Variants in XRCC5 observed in about 807,000 individuals in gnomAD.
XRCC5 encodes X-ray repair cross complementing 5, also known as DNA repair protein Ku80.
In XRCC5, 12 loss-of-function variants were observed where a neutral mutation model predicts 95.7. The observed-to-expected ratio is 0.13, with a 90% CI of 0.08 to 0.20. The LOEUF (loss-of-function observed/expected upper bound fraction) is 0.20, where lower values mean the gene tolerates loss of function less well. Ranked by LOEUF, XRCC5 falls within the 10% of genes least tolerant of loss-of-function variation. XRCC5 has a pLI of 1.00. For synonymous variants in XRCC5, 281 were observed against 290.3 expected, an observed-to-expected ratio of 0.97 and a Z score of 0.33; for missense variants, 595 against 873.9, an observed-to-expected ratio of 0.68 and a Z score of 4.02.
In XRCC5 at chr2:216,116,799, G is replaced by A. The variant is rs758611535; in HGVS notation, c.276G>A (p.Glu92=). The A allele has an allele frequency of 1.9e-6, 3 of 1,614,154 alleles. No homozygotes were observed. In the South Asian group the frequency reaches 3.3e-5, roughly 18 times the overall value. Residue 92 remains glutamate (E), a synonymous_variant, in exon 3 of 21, where the codon GAG becomes GAA. Transcript: ENST00000392132. ...HLMLPDFDLL[E]DIESKIQPGS... is the part of the protein sequence containing the mutation. ...TGCTACCAGATTTTGATTTGCTGGA[G>A]GACATTGAAAGCAAAATCCAACCAG...
At chr2:216,149,835 G>T (rs1015069545) in intron 14 of XRCC5, among the ~76,000 whole-genome samples, 3 of 152,190 alleles carry the variant, frequency 2.0e-5, no homozygotes, top group Admixed American at 2.0e-4. Context: ...GGTGTGCTGA[G>T]CTTCTTGTTC....
intron 19 of XRCC5, among the ~76,000 whole-genome samples, chr2:216,202,609 T>A (rs1466497792): frequency 1.3e-5 from 2 of 152,184 alleles, no homozygotes; most frequent in Non-Finnish European, 2.9e-5. Flanking sequence ...CTCTCTCTTA[T>A]ACCATTGATT....
intron 12 of XRCC5, among the ~76,000 whole-genome samples, chr2:216,140,168 A>T (rs1466429624): frequency 2.6e-5 from 4 of 152,266 alleles, no homozygotes; most frequent in African/African-American, 9.6e-5. Flanking sequence ...TTTCACCATG[A>T]AAAGTCCATA....
chr2:216,177,125 C>G (rs756575290), intron 16 of XRCC5, among the ~76,000 whole-genome samples: 2 of 152,218 alleles, frequency 1.3e-5, no homozygotes, highest in African/African-American at 2.4e-5. Flanking sequence ...ATAGTCTGTT[C>G]TGCCAGTTGT....
intron 13 of XRCC5, among the ~76,000 whole-genome samples, chr2:216,147,132 T>C (rs892374042): frequency 6.6e-6 from 1 of 152,064 alleles, no homozygotes; most frequent in Non-Finnish European, 1.5e-5. Flanking sequence ...AGGGAAGGCC[T>C]CTCTGCGGAG....
intron 16 of XRCC5, among the ~76,000 whole-genome samples, chr2:216,181,117 G>A (rs1380769836): frequency 6.6e-6 from 1 of 152,036 alleles, no homozygotes; most frequent in Non-Finnish European, 1.5e-5. Context: ...CCGGCCTTGA[G>A]TTTCTTCATT....
rs1304590965 is a variant in XRCC5 at position 216,156,453 on chromosome 2, A to G, written c.1671-3615A>G. ...GTAGCTTTTGTAGTCTCTATCGTAC[A>G]GCACTGGTCAGATCTACATAAGCCT... On this transcript the variant is annotated intron_variant, in intron 14 of 20. Transcript: ENST00000392132. The G allele has an allele frequency of 9.9e-6, 7 of 705,128 alleles. No individual in the cohort carries two copies. The East Asian group carries it at 2.3e-4, about 23-fold the overall frequency. The allele number at this position is 705,128 out of a possible 1,614,324, so 43.7% of individuals were successfully genotyped here.
chr2:216,174,151 T>TTTG (rs1689225494), intron 16 of XRCC5, among the ~76,000 whole-genome samples: 1 of 152,104 alleles, frequency 6.6e-6, no homozygotes, highest in Non-Finnish European at 1.5e-5. Flanking sequence ...TGTGGGGAGC[T>TTTG]TTTGTTTTGT....
intron 14 of XRCC5, chr2:216,156,360 T>C (rs1688842530): frequency 1.3e-5 from 9 of 706,802 alleles, no homozygotes; most frequent in South Asian, 1.1e-4. Flanking sequence ...CTTCTGCTGT[T>C]GTGGGGTCTT....
intron 16 of XRCC5, among the ~76,000 whole-genome samples, chr2:216,185,821 C>T (rs1689483240): frequency 6.6e-6 from 1 of 151,966 alleles, no homozygotes; most frequent in African/African-American, 2.4e-5. Flanking sequence ...GACAGGGTTT[C>T]ACAATGTTGG....
chr2:216,122,846 C>G (rs528709849), intron 6 of XRCC5, among the ~76,000 whole-genome samples: 15 of 151,986 alleles, frequency 9.9e-5, no homozygotes, highest in Admixed American at 9.8e-4. Context: ...AAGTGAATTC[C>G]TTGAAGTACC....
intron 8 of XRCC5, among the ~76,000 whole-genome samples, chr2:216,129,509 C>A (rs1370340823): frequency 1.3e-5 from 2 of 152,158 alleles, no homozygotes; most frequent in African/African-American, 2.4e-5. Flanking sequence ...TTACAAGTTA[C>A]ACAATTCACA....
intron 13 of XRCC5, among the ~76,000 whole-genome samples, chr2:216,143,712 T>A (rs1327846369): frequency 1.3e-5 from 2 of 151,950 alleles, no homozygotes; most frequent in Non-Finnish European, 2.9e-5. Flanking sequence ...TTTTTTTTTT[T>A]TTATTTTTAT....
chr2:216,151,010 A>G (rs1688735290), intron 14 of XRCC5, among the ~76,000 whole-genome samples: 2 of 152,240 alleles, frequency 1.3e-5, no homozygotes, highest in Non-Finnish European at 2.9e-5. Flanking sequence ...CCACCATTGT[A>G]TATGTGGCTC....
rs758639724 is a variant in XRCC5, at chr2:216,109,430, C to T, written c.-7C>T. ...AGAAGCGACCAAAGCGCCTGAGGAC[C>T]GGCAACATGGTGCGGTCGGGGAATA... On this transcript the variant is annotated 5_prime_UTR_variant, in exon 1 of 21. Coordinates refer to ENST00000392132, the MANE Select transcript of XRCC5 (RefSeq NM_021141.4). 5.6e-6 allele frequency: 9 copies of T among 1,613,978 alleles called. No individual in the cohort carries two copies. Among genetic ancestry groups the T allele is most frequent in the Non-Finnish European group, 7.6e-6 (9 of 1,179,930 alleles).
At chr2:216,194,863 A>T (rs922746134) in intron 18 of XRCC5, 56 bp from the exon 19 acceptor site, 6 of 1,563,004 alleles carry the variant, frequency 3.8e-6, no homozygotes, top group Non-Finnish European at 5.3e-6. Flanking sequence ...GGAAACGAAA[A>T]TGGGATTGGG....
Position 216,162,459 on chromosome 2 carries a change from T to A in XRCC5, c.1834+411T>A, listed in dbSNP as rs571637534. On this transcript the variant is annotated intron_variant, in intron 16 of 20. Transcript: ENST00000392132. ...TCTTGTTGCCCAGGCTGGAGTGCAA[T>A]GGCATGATTTCAGCACACCACAACC... Among the ~76,000 whole-genome samples, 12 of 151,710 alleles carry A rather than the reference T, an allele frequency of 7.9e-5. No homozygotes were observed. In the South Asian group the frequency reaches 1.5e-3, roughly 18 times the overall value.
chr2:216,109,576 GT>G, intron 1 of XRCC5, 119 bp downstream of exon 1: 11 of 1,457,142 alleles, frequency 7.5e-6, no homozygotes, highest in Non-Finnish European at 9.4e-6. Flanking sequence ...GAAGATCATG[GT>G]GGTGGGCTCA....
At chr2:216,118,896 G>T in intron 4 of XRCC5, 147 bp from the exon 5 acceptor site, 1 of 835,210 alleles carries the variant, frequency 1.2e-6, no homozygotes, top group Non-Finnish European at 1.9e-6. Context: ...AATTTAATAA[G>T]AACTTAATTG....
Sources: allele counts gnomAD v4.1 joint callset (sites outside exome capture counted in the v4.1 genomes callset), GRCh38; gene constraint gnomAD v4.1.1; transcripts MANE v1.5; gene names NCBI Gene and HGNC (gene_info 2026-07-23, HGNC 2026-07-21).